The following MTA3 variants were observed in gnomAD, a reference collection of about 807,000 sequenced individuals.
The protein encoded by MTA3 is metastasis associated 1 family member 3.
MTA3 carries 34 observed loss-of-function variants against 83.5 expected under a neutral mutation model. The observed-to-expected ratio is 0.41, with a 90% CI of 0.31 to 0.54. The LOEUF is 0.54. MTA3 is among the 20% of genes least tolerant of loss of function. The pLI is 0.33. For missense variants in MTA3, 761 were observed against 726.4 expected, an observed-to-expected ratio of 1.05 and a Z score of -0.55; for synonymous variants, 303 against 252.7, an observed-to-expected ratio of 1.20 and a Z score of -1.89.
At chr2:42,708,728 C>T in intron 13 of MTA3, 146 bp from the exon 14 acceptor site, 2 of 823,106 alleles carry the variant, frequency 2.4e-6, no homozygotes, top group Non-Finnish European at 3.9e-6. Flanking sequence ...CTTTAATTCT[C>T]TCTTTTAGAG....
chr2:42,666,684 G>T (rs911011133), intron 8 of MTA3, among the ~76,000 whole-genome samples: 5 of 152,110 alleles, frequency 3.3e-5, no homozygotes, highest in African/African-American at 1.2e-4. Flanking sequence ...TGATTATTTT[G>T]TGTCTCTTTC....
At chr2:42,525,281 C>A (rs1675637173) in intron 2 of MTA3, among the ~76,000 whole-genome samples, 1 of 151,808 alleles carries the variant, frequency 6.6e-6, no homozygotes. Flanking sequence ...CTCCCTGCAA[C>A]CTCCACCTCT....
At chr2:42,592,141 G>A (rs1014656600) in intron 3 of MTA3, among the ~76,000 whole-genome samples, 3 of 152,112 alleles carry the variant, frequency 2.0e-5, no homozygotes, top group Admixed American at 6.5e-5. Flanking sequence ...GTAAACACCT[G>A]TAGTCCCAGC....
chr2:42,502,634 A>G (rs552284183), intron 2 of MTA3, among the ~76,000 whole-genome samples: 1 of 152,180 alleles, frequency 6.6e-6, no homozygotes, highest in African/African-American at 2.4e-5. Flanking sequence ...CCTCGTCTCT[A>G]CTAAAAATAC....
rs1489436584 is a variant in MTA3, at chr2:42,548,846, AATATATATATATAAT to A, written c.-140-21577_-140-21563del. On this transcript the variant is annotated intron_variant, in intron 2 of 17. Transcript: ENST00000405592. Reference sequence around the variant, plus strand: ...ATATATATAATATATATATATATATAATATATATATATAATATATATATATATATAATATATATAT... The same window carrying A: ...ATATATATAATATATATATATATATAATATATATATATATAATATATATAT... 7.3e-4 allele frequency among the ~76,000 whole-genome samples: 11 copies of A among 15,050 alleles called. 2 individuals carry two copies. Among genetic ancestry groups the A allele is most frequent in the African/African-American group, 7.9e-4 (3 of 3,794 alleles). The allele number at this position is 15,050 out of a possible 152,430, so 9.9% of individuals were successfully genotyped here.
At chr2:42,571,541 T>G (rs777716448) in intron 2 of MTA3, among the ~76,000 whole-genome samples, 3 of 152,232 alleles carry the variant, frequency 2.0e-5, no homozygotes, top group Non-Finnish European at 4.4e-5. Context: ...TTCACTTATG[T>G]AACTCAGACC....
intron 8 of MTA3, among the ~76,000 whole-genome samples, chr2:42,667,537 G>A (rs889347247): frequency 2.2e-5 from 3 of 135,812 alleles, no homozygotes; most frequent in Non-Finnish European, 4.7e-5. Context: ...CATTAATGTT[G>A]TACCATGTGT....
chr2:42,615,614 A>G (rs1487703529), intron 4 of MTA3, among the ~76,000 whole-genome samples: 3 of 151,532 alleles, frequency 2.0e-5, no homozygotes, highest in African/African-American at 7.3e-5. Context: ...TCGGCGTCCC[A>G]AAGTGCTGGA....
intron 10 of MTA3, 83 bp downstream of exon 10, chr2:42,695,922 T>C (rs1411328066): frequency 1.1e-6 from 1 of 869,818 alleles, no homozygotes; most frequent in Non-Finnish European, 1.8e-6. Flanking sequence ...GGCGATGTAC[T>C]ACTTTTAAAT....
At chr2:42,505,217 T>TCC (rs1337517429) in intron 2 of MTA3, among the ~76,000 whole-genome samples, 1 of 151,812 alleles carries the variant, frequency 6.6e-6, no homozygotes, top group Non-Finnish European at 1.5e-5. Flanking sequence ...ACAGTGAAAC[T>TCC]CTATCTCTAC....
chr2:42,708,056 T>C lies in MTA3; in HGVS notation c.1302+2T>C. 1 of 1,590,256 alleles carries C rather than the reference T, an allele frequency of 6.3e-7. No homozygotes were observed. Among genetic ancestry groups the C allele is most frequent in the Non-Finnish European group, 8.5e-7 (1 of 1,173,496 alleles). ...TTATCTCCTAGCCCAACTACAGAGGTACAGTAGTCTTTTTAGTGTTGAAAA... is the reference window on the plus strand; with the variant it reads ...TTATCTCCTAGCCCAACTACAGAGGCACAGTAGTCTTTTTAGTGTTGAAAA... On this transcript the variant is annotated splice_donor_variant, in intron 13 of 16. Coordinates refer to ENST00000405094, the MANE Select transcript of MTA3 (RefSeq NM_001330442.2). LOFTEE classifies it high-confidence loss of function.
chr2:42,570,180 G>T (rs1678309970), intron 1 of MTA3, among the ~76,000 whole-genome samples: 1 of 152,134 alleles, frequency 6.6e-6, no homozygotes, highest in South Asian at 2.1e-4. Context: ...TATTATTAAA[G>T]AAATGACGTA....
At chr2:42,518,808 A>G (rs545020557) in intron 2 of MTA3, among the ~76,000 whole-genome samples, 4 of 152,050 alleles carry the variant, frequency 2.6e-5, no homozygotes, top group African/African-American at 9.6e-5. Context: ...CCTACAAATA[A>G]TTTAAAAATT....
chr2:42,536,732 G>A (rs905141472), intron 2 of MTA3, among the ~76,000 whole-genome samples: 20 of 151,550 alleles, frequency 1.3e-4, no homozygotes, highest in Non-Finnish European at 2.6e-4. Flanking sequence ...GGTAGCAGGC[G>A]CCTGTAGTCC....
chr2:42,519,997 A>G (rs1675345894), intron 2 of MTA3, among the ~76,000 whole-genome samples: 1 of 151,736 alleles, frequency 6.6e-6, no homozygotes, highest in South Asian at 2.1e-4. Context: ...AGTTGAGATC[A>G]CGCTGCTGTA....
At position 42,611,341 on chromosome 2, in the gene MTA3, C is replaced by CACACA. The variant is rs1462110821; in HGVS notation, c.317+1757_317+1758insACACA. Among the ~76,000 whole-genome samples, 921 of 149,440 alleles carry CACACA rather than the reference C, an allele frequency of 6.2e-3. 3 individuals carry two copies. Among genetic ancestry groups the CACACA allele is most frequent in the Admixed American group, 9.3e-3 (139 of 14,936 alleles). On this transcript the variant is annotated intron_variant, in intron 4 of 16. Transcript: ENST00000405094. ...AACACATACACACACACACACACAC[C>CACACA]CCCTCACACACATGCTCCAATTCCT...
chr2:42,742,507 T>C (rs1457120011), intron 16 of MTA3, among the ~76,000 whole-genome samples: 1 of 152,092 alleles, frequency 6.6e-6, no homozygotes, highest in Non-Finnish European at 1.5e-5. Context: ...ATACCAAATA[T>C]AAAAGTTGGG....
chr2:42,589,496 C>G lies in MTA3; in HGVS notation c.190+10296C>G, dbSNP rs1010737918. ...TGATTTTCTGCCAGAAAGTCTGACT[C>G]CTTTTTTCCAATTTTAATAAATGAG... On this transcript the variant is annotated intron_variant, in intron 3 of 16. Transcript: ENST00000405094. Among the ~76,000 whole-genome samples, 3 of 152,104 alleles carry G rather than the reference C, an allele frequency of 2.0e-5. No individual in the cohort carries two copies. In the East Asian group the frequency reaches 5.8e-4, roughly 29 times the overall value.
intron 2 of MTA3, among the ~76,000 whole-genome samples, chr2:42,576,770 GCCTGTAAT>G (rs376920611): frequency 6.6e-6 from 1 of 152,132 alleles, no homozygotes; most frequent in African/African-American, 2.4e-5. Flanking sequence ...GGTGGCGCAT[GCCTGTAAT>G]CCCAGCTACT....
Sources: allele counts gnomAD v4.1 joint callset (sites outside exome capture counted in the v4.1 genomes callset), GRCh38; gene constraint gnomAD v4.1.1; transcripts MANE v1.5; gene names NCBI Gene and HGNC (gene_info 2026-07-23, HGNC 2026-07-21).